Variants in GRM5 observed in about 807,000 individuals in gnomAD.
GRM5 encodes glutamate metabotropic receptor 5, also known as metabotropic glutamate receptor 5.
Under a neutral mutation model 83.1 loss-of-function variants are expected in GRM5, and 19 were observed. That is an observed-to-expected ratio of 0.23 (90% CI 0.16 to 0.34). The LOEUF (loss-of-function observed/expected upper bound fraction) is 0.34, where lower values mean the gene tolerates loss of function less well. Among genes scored for constraint, GRM5 ranks in the 10% least tolerant of loss-of-function variants. The probability of loss-of-function intolerance (pLI) is 1.00; values close to 1 mark genes in which losing one functional copy is unlikely to be tolerated. For synonymous variants in GRM5, 675 were observed against 633.6 expected, an observed-to-expected ratio of 1.07 and a Z score of -0.98; for missense variants, 1,160 against 1,588.3, an observed-to-expected ratio of 0.73 and a Z score of 4.58.
chr11:88,984,744 G>C (rs773767363), intron 2 of GRM5: 11 of 713,062 alleles, frequency 1.5e-5, no homozygotes. Context: ...ATAGGAGAAA[G>C]AAAGGTATTT....
intron 3 of GRM5, among the ~76,000 whole-genome samples, chr11:88,688,641 T>C (rs1437371161): frequency 6.6e-6 from 1 of 152,186 alleles, no homozygotes. Context: ...TGTTTAGTTA[T>C]ATAGACAAGT....
chr11:88,738,545 T>A (rs901368811), intron 3 of GRM5, among the ~76,000 whole-genome samples: 1 of 152,106 alleles, frequency 6.6e-6, no homozygotes, highest in Non-Finnish European at 1.5e-5. Context: ...CATTTAAACA[T>A]GAACAACTAT....
At chr11:88,927,666 A>T (rs1349704398) in intron 2 of GRM5, among the ~76,000 whole-genome samples, 2 of 152,160 alleles carry the variant, frequency 1.3e-5, no homozygotes, top group Non-Finnish European at 2.9e-5. Context: ...ATACTTATGA[A>T]CTCCAAGCTA....
intron 2 of GRM5, among the ~76,000 whole-genome samples, chr11:88,877,829 G>A (rs116978665): frequency 3.9e-4 from 53 of 137,028 alleles, no homozygotes; most frequent in African/African-American, 5.4e-4. Context: ...CTCTGTGGAA[G>A]AAAAAAAAAA....
chr11:88,817,930 C>G (rs1167943907), intron 3 of GRM5, among the ~76,000 whole-genome samples: 2 of 152,078 alleles, frequency 1.3e-5, no homozygotes, highest in Admixed American at 1.3e-4. Flanking sequence ...TACACTGCTT[C>G]CCTAAGTCTG....
chr11:88,805,496 C>A (rs1943484382), intron 3 of GRM5, among the ~76,000 whole-genome samples: 1 of 151,850 alleles, frequency 6.6e-6, no homozygotes, highest in Non-Finnish European at 1.5e-5. Context: ...GGCCCGTATA[C>A]TTATTAAAAA....
chr11:88,775,949 AT>A (rs1942838410), intron 3 of GRM5, among the ~76,000 whole-genome samples: 1 of 152,168 alleles, frequency 6.6e-6, no homozygotes, highest in Non-Finnish European at 1.5e-5. Context: ...GTAGATGTCT[AT>A]TAGGTCTGCT....
rs147279882 is a variant in GRM5, at chr11:88,708,535, T to C, written c.912-55132A>G. Among the ~76,000 whole-genome samples the C allele has an allele frequency of 4.0e-3, 613 of 152,226 alleles. 9 individuals carry two copies. Among genetic ancestry groups the C allele is most frequent in the Admixed American group, 0.029 (449 of 15,276 alleles). ...TAACATGTAGTTTGATCTTACAAAG[T>C]ATTTTCCTTTTCTGAGATTGTTTCC... On this transcript the variant is annotated intron_variant, in intron 3 of 9. Coordinates refer to ENST00000305447, the MANE Select transcript of GRM5 (RefSeq NM_001143831.3).
intron 2 of GRM5, among the ~76,000 whole-genome samples, chr11:88,877,780 A>G (rs1397043438): frequency 6.6e-6 from 1 of 151,100 alleles, no homozygotes; most frequent in Non-Finnish European, 1.5e-5. Context: ...CAATGAGCCA[A>G]TATGCTGCTG....
At chr11:88,797,943 T>C (rs1943313833) in intron 3 of GRM5, among the ~76,000 whole-genome samples, 1 of 152,108 alleles carries the variant, frequency 6.6e-6, no homozygotes, top group South Asian at 2.1e-4. Flanking sequence ...TCTTAATATG[T>C]CATGAGTATC....
chr11:88,914,370 T>TTC (rs989653724), intron 2 of GRM5, among the ~76,000 whole-genome samples: 3 of 152,206 alleles, frequency 2.0e-5, no homozygotes, highest in African/African-American at 7.2e-5. Flanking sequence ...TCACATCAAG[T>TTC]TCTCTATCCT....
intron 7 of GRM5, among the ~76,000 whole-genome samples, chr11:88,585,203 A>T (rs1205901495): frequency 6.6e-6 from 1 of 152,222 alleles, no homozygotes; most frequent in African/African-American, 2.4e-5. Context: ...GCATACGAAC[A>T]GCCAGGTTTA....
intron 9 of GRM5, among the ~76,000 whole-genome samples, chr11:88,514,977 G>A (rs947396359): frequency 6.6e-6 from 1 of 152,038 alleles, no homozygotes; most frequent in Non-Finnish European, 1.5e-5. Context: ...TTCCCCCAGA[G>A]AATCTTTCTT....
At chr11:88,654,443 C>G (rs1939716420) in intron 3 of GRM5, among the ~76,000 whole-genome samples, 1 of 151,984 alleles carries the variant, frequency 6.6e-6, no homozygotes, top group Non-Finnish European at 1.5e-5. Context: ...CTGCTGGAAC[C>G]CAGTGGTACT....
At chr11:88,872,953 G>T (rs1350023566) in intron 2 of GRM5, among the ~76,000 whole-genome samples, 2 of 4,016 alleles carry the variant, frequency 5.0e-4, no homozygotes, top group Non-Finnish European at 0.013. Flanking sequence ...CCAACTATAT[G>T]CTCATACAAG....
chr11:88,546,189 A>C (rs1251834323), intron 8 of GRM5, among the ~76,000 whole-genome samples: 1 of 151,950 alleles, frequency 6.6e-6, no homozygotes, highest in Admixed American at 6.6e-5. Flanking sequence ...ATCTAAACAT[A>C]TCTAAAATTA....
chr11:88,628,064 C>T (rs560519714), intron 4 of GRM5, among the ~76,000 whole-genome samples: 46 of 152,066 alleles, frequency 3.0e-4, no homozygotes, highest in Non-Finnish European at 5.3e-4. Flanking sequence ...ACTGTTTAAG[C>T]TTGAAATACT....
At chr11:88,589,918 G>T (rs1937609899) in intron 7 of GRM5, among the ~76,000 whole-genome samples, 1 of 151,984 alleles carries the variant, frequency 6.6e-6, no homozygotes, top group African/African-American at 2.4e-5. Context: ...AATGTTTATT[G>T]AAGAAAAATT....
chr11:89,050,575 C>T (rs1424277530), intron 1 of GRM5, among the ~76,000 whole-genome samples: 1 of 152,104 alleles, frequency 6.6e-6, no homozygotes, highest in Non-Finnish European at 1.5e-5. Context: ...ATTTATACTC[C>T]CACTGCAGAA....
Sources: gnomAD v4.1 joint callset for allele counts (sites outside exome capture counted in the v4.1 genomes callset) on GRCh38, gnomAD v4.1.1 for gene constraint, MANE v1.5 for transcripts, NCBI Gene and HGNC (gene_info 2026-07-23, HGNC 2026-07-21) for gene names.